The following KCNK2 variants were observed in gnomAD, a reference collection of about 807,000 sequenced individuals.
KCNK2 encodes the protein potassium two pore domain channel subfamily K member 2.
KCNK2 carries 21 observed loss-of-function variants against 40.5 expected under a neutral mutation model. That is an observed-to-expected ratio of 0.52 (90% CI 0.37 to 0.75). KCNK2 has a LOEUF of 0.75. Among genes scored for constraint, KCNK2 ranks in the 30% least tolerant of loss-of-function variants. The probability of loss-of-function intolerance (pLI) is 0.00; values close to 1 mark genes in which losing one functional copy is unlikely to be tolerated. For missense variants in KCNK2, 399 were observed against 531.6 expected (o/e 0.75, Z 2.45); for synonymous variants, 191 against 202.2 (o/e 0.94, Z 0.47).
chr1:215,081,916 G>A (rs1276053262), upstream of KCNK2: 1 of 152,290 alleles, frequency 6.6e-6, no homozygotes. Context: ...CTACGCCGGG[G>A]TCTTGGAGTT....
At chr1:215,085,145 T>G (rs917786791) in intron 1 of KCNK2, among the ~76,000 whole-genome samples, 12 of 152,258 alleles carry the variant, frequency 7.9e-5, no homozygotes, top group African/African-American at 2.9e-4. Flanking sequence ...TCCATGGAGA[T>G]TTCTTATATA....
Position 215,159,884 on chromosome 1 carries a change from CTGAGCAGGA to C in KCNK2, c.476-9312_476-9304del, listed in dbSNP as rs80139617. On this transcript the variant is annotated intron_variant, in intron 3 of 6. Coordinates refer to ENST00000444842, the MANE Select transcript of KCNK2 (RefSeq NM_001017425.3). ...ATCATATATACCCAGATGTGATGCA[CTGAGCAGGA>C]TGTGGTATTTCAGCCCCAAATGCAT... Among the ~76,000 whole-genome samples, 1,464 of 152,242 alleles carry C rather than the reference CTGAGCAGGA, an allele frequency of 9.6e-3. 21 individuals carry two copies. The highest frequency in any genetic ancestry group is 0.061 in the South Asian group (294 of 4,824).
intron 3 of KCNK2, among the ~76,000 whole-genome samples, chr1:215,133,109 A>T (rs1206580895): frequency 5.9e-5 from 9 of 152,218 alleles, no homozygotes; most frequent in African/African-American, 2.2e-4. Flanking sequence ...AGCTTCAGCA[A>T]GAGAAAGTTT....
intron 2 of KCNK2, among the ~76,000 whole-genome samples, chr1:215,105,042 A>G (rs1016774401): frequency 6.6e-6 from 1 of 152,054 alleles, no homozygotes; most frequent in Non-Finnish European, 1.5e-5. Flanking sequence ...TATATCAGGC[A>G]CTTAATTTTT....
chr1:215,081,493 T>C (rs369019121), upstream of KCNK2, among the ~76,000 whole-genome samples: 39 of 151,132 alleles, frequency 2.6e-4, no homozygotes, highest in Middle Eastern at 3.4e-3. Context: ...TTTTTTTTAA[T>C]AGGGGAAAGA....
At chr1:215,030,793 C>T (rs1214555986) in intron 1 of KCNK2, among the ~76,000 whole-genome samples, 1 of 151,748 alleles carries the variant, frequency 6.6e-6, no homozygotes, top group Non-Finnish European at 1.5e-5. Flanking sequence ...GTGATCTGTC[C>T]ACTTCAGCCT....
intron 2 of KCNK2, among the ~76,000 whole-genome samples, chr1:215,116,503 T>C (rs988472241): frequency 2.6e-5 from 4 of 152,084 alleles, no homozygotes; most frequent in African/African-American, 9.7e-5. Context: ...GTTCCCTGCT[T>C]TGGATTTTAA....
intron 5 of KCNK2, among the ~76,000 whole-genome samples, chr1:215,186,592 A>G (rs1347308838): frequency 6.6e-6 from 1 of 152,218 alleles, no homozygotes; most frequent in Non-Finnish European, 1.5e-5. Flanking sequence ...ACCGGTGCAG[A>G]TAAATAGGCA....
intron 6 of KCNK2, among the ~76,000 whole-genome samples, chr1:215,226,014 A>G (rs1204779381): frequency 6.6e-6 from 1 of 152,198 alleles, no homozygotes; most frequent in Non-Finnish European, 1.5e-5. Flanking sequence ...CACCCTATCA[A>G]TCTTATGTAC....
At chr1:215,152,098 A>C (rs890943814) in intron 3 of KCNK2, among the ~76,000 whole-genome samples, 6 of 152,148 alleles carry the variant, frequency 3.9e-5, no homozygotes, top group Non-Finnish European at 7.4e-5. Context: ...AGATCCTTGC[A>C]GAATTCCCTG....
At chr1:215,020,160 G>A (rs1656741321) in intron 1 of KCNK2, among the ~76,000 whole-genome samples, 1 of 152,116 alleles carries the variant, frequency 6.6e-6, no homozygotes, top group Non-Finnish European at 1.5e-5. Flanking sequence ...CACTTTGGAT[G>A]TTTTCAATGG....
intron 1 of KCNK2, among the ~76,000 whole-genome samples, chr1:215,052,546 A>G (rs573846273): frequency 1.3e-5 from 2 of 152,298 alleles, no homozygotes; most frequent in Admixed American, 6.5e-5. Flanking sequence ...ACCCCAGTGG[A>G]TATCTGAAAA....
chr1:215,094,587 C>A (rs1407140512), intron 2 of KCNK2, among the ~76,000 whole-genome samples: 1 of 152,122 alleles, frequency 6.6e-6, no homozygotes, highest in Non-Finnish European at 1.5e-5. Context: ...TCACTCTCTG[C>A]CCATATGTTC....
chr1:215,026,390 T>C (rs962639060), intron 1 of KCNK2, among the ~76,000 whole-genome samples: 4 of 152,062 alleles, frequency 2.6e-5, no homozygotes, highest in Non-Finnish European at 4.4e-5. Context: ...AGTAAAACAG[T>C]AATATCATAT....
At position 215,030,120 on chromosome 1, in the gene KCNK2, ATTG is replaced by A. The variant is rs150451820; in HGVS notation, c.34+24168_34+24170del. On this transcript the variant is annotated intron_variant, in intron 1 of 6. Coordinates refer to the KCNK2 transcript ENST00000391895. ...GGGCCATTCTAAGAGGTAGTATCTT[ATTG>A]TTATCTTAATTTGCATTTTCCTGAT... Among the ~76,000 whole-genome samples the A allele has an allele frequency of 3.5e-3, 531 of 152,194 alleles. 4 individuals carry two copies. Among genetic ancestry groups the A allele is most frequent in the Non-Finnish European group, 5.0e-3 (341 of 68,000 alleles).
intron 1 of KCNK2, among the ~76,000 whole-genome samples, chr1:215,058,600 T>A (rs570032652): frequency 1.3e-5 from 2 of 152,266 alleles, no homozygotes; most frequent in Non-Finnish European, 1.5e-5. Flanking sequence ...GATAAAGTAA[T>A]CCCCCACTTC....
chr1:215,130,583 G>A (rs1440174650), intron 3 of KCNK2, among the ~76,000 whole-genome samples: 1 of 152,130 alleles, frequency 6.6e-6, no homozygotes, highest in African/African-American at 2.4e-5. Flanking sequence ...TGTGGACTGA[G>A]CTCTTAATCT....
At chr1:215,082,550 G>A (rs923752486), upstream of KCNK2, among the ~76,000 whole-genome samples, 1 of 152,112 alleles carries the variant, frequency 6.6e-6, no homozygotes, top group African/African-American at 2.4e-5. Context: ...GGGCTGAGAG[G>A]GGAGGAGGCA....
At chr1:215,178,346 TA>T (rs1273329508) in intron 5 of KCNK2, among the ~76,000 whole-genome samples, 19 of 152,280 alleles carry the variant, frequency 1.2e-4, no homozygotes, top group Admixed American at 1.2e-3. Context: ...TGGATGCTTT[TA>T]TTTTTTTCTT....
Sources: allele counts gnomAD v4.1 joint callset (sites outside exome capture counted in the v4.1 genomes callset), GRCh38; gene constraint gnomAD v4.1.1; transcripts MANE v1.5; gene names NCBI Gene and HGNC (gene_info 2026-07-23, HGNC 2026-07-21).